NEDD4: variants seen among roughly 807,000 people sequenced by gnomAD.
NEDD4 encodes NEDD4 E3 ubiquitin protein ligase, also known as E3 ubiquitin-protein ligase NEDD4.
In NEDD4, 99 loss-of-function variants were observed where a neutral mutation model predicts 144.9. The ratio of observed to expected loss-of-function variants is 0.68; its 90% CI spans 0.58 to 0.81. The LOEUF (loss-of-function observed/expected upper bound fraction) is 0.81, where lower values mean the gene tolerates loss of function less well. NEDD4 is among the 30% of genes least tolerant of loss of function. The pLI is 0.00. For missense variants in NEDD4, 985 were observed against 1,065.9 expected, an observed-to-expected ratio of 0.92 and a Z score of 1.06; for synonymous variants, 318 against 350.6, an observed-to-expected ratio of 0.91 and a Z score of 1.04.
intron 4 of NEDD4, chr15:55,934,667 T>C (rs992889717): frequency 1.6e-4 from 24 of 151,944 alleles, no homozygotes; most frequent in Admixed American, 3.9e-4. Flanking sequence ...AAAGGATATA[T>C]AGTAAATTAT....
At position 55,864,668 on chromosome 15, in the gene NEDD4, G is replaced by T. The variant is rs2034524064; in HGVS notation, c.508-1589C>A. Reference sequence around the variant, plus strand: ...TTGCACTCCAGCCTGGACAACAAGAGTGAAACTCTGTCTCATAAGAAAAAA... The same window carrying T: ...TTGCACTCCAGCCTGGACAACAAGATTGAAACTCTGTCTCATAAGAAAAAA... On this transcript the variant is annotated intron_variant, in intron 8 of 28. Transcript: ENST00000435532. Among the ~76,000 whole-genome samples, 6 of 137,324 alleles carry T rather than the reference G, an allele frequency of 4.4e-5. No homozygotes were observed. In the Admixed American group the frequency reaches 4.6e-4, roughly 11 times the overall value. The allele number at this position is 137,324 out of a possible 152,430, so 90.1% of individuals were successfully genotyped here.
intron 2 of NEDD4, among the ~76,000 whole-genome samples, chr15:55,959,926 CAT>C (rs2037398714): frequency 6.6e-6 from 1 of 152,202 alleles, no homozygotes; most frequent in Non-Finnish European, 1.5e-5. Context: ...GTTGCCTCAG[CAT>C]CCATAATGAA....
chr15:55,830,621 T>C, intron 27 of NEDD4, 35 bp from the exon 28 acceptor site: 2 of 1,574,794 alleles, frequency 1.3e-6, no homozygotes, highest in Non-Finnish European at 1.7e-6. Flanking sequence ...TCATTTACTC[T>C]CTACAAGGAT....
chr15:55,840,522 C>CA lies in NEDD4; in HGVS notation c.1961-6dup. 1.2e-6 allele frequency: 2 copies of CA among 1,613,524 alleles called. No individual in the cohort carries two copies. The highest frequency in any genetic ancestry group is 4.5e-5 in the East Asian group (2 of 44,814). On this transcript the variant is annotated splice_polypyrimidine_tract_variant and splice_region_variant and intron_variant, in intron 20 of 28. Coordinates refer to ENST00000435532, the MANE Select transcript of NEDD4 (RefSeq NM_006154.4). ...AAAATGGGCGGATGAAAAAACCTTG[C>CA]AAAAAACCAAATACATTTAGGATGA...
At chr15:55,988,822 A>G (rs1308880965) in intron 1 of NEDD4, among the ~76,000 whole-genome samples, 2 of 152,216 alleles carry the variant, frequency 1.3e-5, no homozygotes, top group Non-Finnish European at 2.9e-5. Context: ...AGATTAATGA[A>G]AATGGCAAAA....
rs1285919901 is a variant in NEDD4, at chr15:55,992,588, G to T, written c.45+923C>A. Among the ~76,000 whole-genome samples, 3 of 152,174 alleles carry T rather than the reference G, an allele frequency of 2.0e-5. No individual in the cohort carries two copies. The East Asian group carries it at 5.8e-4, about 29-fold the overall frequency. ...CAAAAAACTTGATTTTTTTCACTCG[G>T]AACCAGTCACTGTTAGACTACATGC... On this transcript the variant is annotated intron_variant, in intron 1 of 28. Coordinates refer to ENST00000435532, the MANE Select transcript of NEDD4 (RefSeq NM_006154.4).
Position 55,987,182 on chromosome 15 carries a change from T to C in NEDD4, c.45+6329A>G, listed in dbSNP as rs1410314738. 19 of 87,272 alleles carry C rather than the reference T, an allele frequency of 2.2e-4. 1 individual carries two copies. Among genetic ancestry groups the C allele is most frequent in the African/African-American group, 8.9e-4 (19 of 21,390 alleles). 5.4% of individuals were successfully genotyped at this position (87,272 alleles called of 1,614,324 possible). A position where few individuals can be genotyped will look rare whatever the true frequency, so the allele number is the denominator to read the frequency against. ...TGCCATTCTAACTGGTGTGAGATGATATCTCATAGTGGTTTTGATTTGCAT... is the reference window on the plus strand; with the variant it reads ...TGCCATTCTAACTGGTGTGAGATGACATCTCATAGTGGTTTTGATTTGCAT... On this transcript the variant is annotated intron_variant, in intron 1 of 28. Coordinates refer to ENST00000435532, the MANE Select transcript of NEDD4 (RefSeq NM_006154.4).
chr15:55,863,064 A>G lies in NEDD4; in HGVS notation c.523T>C (p.Leu175=). 6.3e-7 allele frequency: 1 copy of G among 1,587,494 alleles called. No individual in the cohort carries two copies. The highest frequency in any genetic ancestry group is 2.3e-5 in the East Asian group (1 of 44,236). The part of the protein sequence containing the change: ...AEELEPGWVV[L]DQPDAACHLQ... ...TGGCAAGCAGCATCTGGTTGGTCCA[A>G]AACAACCCAGCCAGGCTGAAAAACA... is the stretch of plus-strand genomic sequence containing the variant. Residue 175 remains leucine (L), a synonymous_variant, in exon 9 of 29, where the codon TTG becomes CTG. Transcript: ENST00000435532.
intron 4 of NEDD4, among the ~76,000 whole-genome samples, chr15:55,934,432 T>G (rs546516282): frequency 5.9e-5 from 9 of 152,192 alleles, no homozygotes; most frequent in Non-Finnish European, 7.4e-5. Context: ...GTGCGCAAGT[T>G]TTCTGTGCAT....
At chr15:55,830,106 C>G (rs1485722920) in intron 28 of NEDD4, 107 bp from the exon 29 acceptor site, 1 of 751,858 alleles carries the variant, frequency 1.3e-6, no homozygotes, top group Non-Finnish European at 2.2e-6. Context: ...CCAACACCAC[C>G]AAAATATGTC....
In NEDD4 at chr15:55,837,903, A is replaced by G; in HGVS notation, c.2202-54T>C. ...GTGAACCAAGACAAAATTCTGAGGC[A>G]CAATTATTCTAGTTAGAAACAAAAA... On this transcript the variant is annotated intron_variant, in intron 23 of 28. Transcript: ENST00000435532. 5 of 1,416,770 alleles carry G rather than the reference A, an allele frequency of 3.5e-6. No homozygotes were observed. The South Asian group carries it at 6.0e-5, about 17-fold the overall frequency. 87.8% of individuals were successfully genotyped at this position (1,416,770 alleles called of 1,614,324 possible).
intron 5 of NEDD4, among the ~76,000 whole-genome samples, chr15:55,877,708 T>A (rs1204968785): frequency 6.6e-6 from 1 of 152,142 alleles, no homozygotes; most frequent in African/African-American, 2.4e-5. Flanking sequence ...TTATTCTTTT[T>A]ATATTAATTA....
At chr15:55,862,022 G>C (rs1303340371) in intron 9 of NEDD4, among the ~76,000 whole-genome samples, 1 of 152,110 alleles carries the variant, frequency 6.6e-6, no homozygotes, top group East Asian at 1.9e-4. Flanking sequence ...ATAATACTGA[G>C]GTATGCAACA....
At chr15:55,904,419 T>C (rs1319241349) in intron 5 of NEDD4, among the ~76,000 whole-genome samples, 2 of 152,024 alleles carry the variant, frequency 1.3e-5, no homozygotes, top group Non-Finnish European at 2.9e-5. Flanking sequence ...TCTCCTGTCA[T>C]AGCCTCCTGA....
At chr15:55,982,348 T>G (rs1193064603) in intron 1 of NEDD4, among the ~76,000 whole-genome samples, 1 of 152,208 alleles carries the variant, frequency 6.6e-6, no homozygotes, top group African/African-American at 2.4e-5. Flanking sequence ...TTATTCATAA[T>G]AGCCCAAAGT....
At chr15:55,993,430 G>GGCC (rs2038021153) in intron 1 of NEDD4, 81 bp downstream of exon 1, 2 of 1,534,862 alleles carry the variant, frequency 1.3e-6, no homozygotes, top group Non-Finnish European at 1.8e-6. Context: ...CTCCGGTCGT[G>GGCC]GCCGCCGCCG....
At chr15:55,901,112 G>A (rs1348187933) in intron 5 of NEDD4, among the ~76,000 whole-genome samples, 5 of 152,026 alleles carry the variant, frequency 3.3e-5, no homozygotes, top group Non-Finnish European at 7.4e-5. Flanking sequence ...TGGGGTACAT[G>A]AGATGTTTTG....
At chr15:55,875,014 T>C (rs1256394721) in intron 5 of NEDD4, among the ~76,000 whole-genome samples, 3 of 148,438 alleles carry the variant, frequency 2.0e-5, no homozygotes, top group Admixed American at 1.3e-4. Context: ...CTCAGGGAAA[T>C]ATAATAAAAT....
At position 55,916,473 on chromosome 15, in the gene NEDD4, T is replaced by G. The variant is rs778313132; in HGVS notation, c.291+8173A>C. The G allele has an allele frequency of 5.0e-6, 8 of 1,614,038 alleles. No homozygotes were observed. The East Asian group carries it at 1.8e-4, about 36-fold the overall frequency. On this transcript the variant is annotated intron_variant, in intron 5 of 28. Transcript: ENST00000435532. ...GACCACAGCACTACTGTAAATACCA[T>G]CCTTCAAGATACAAGTAAACGAAGC...
Sources: allele counts gnomAD v4.1 joint callset (sites outside exome capture counted in the v4.1 genomes callset), GRCh38; gene constraint gnomAD v4.1.1; transcripts MANE v1.5; gene names NCBI Gene and HGNC (gene_info 2026-07-23, HGNC 2026-07-21).